VAV3: variants seen among roughly 807,000 people sequenced by gnomAD.
VAV3 encodes the protein guanine nucleotide exchange factor VAV3.
A neutral mutation model predicts 131.2 loss-of-function variants in VAV3; 94 were observed. The observed-to-expected ratio is 0.72, with a 90% confidence interval of 0.61 to 0.85. The LOEUF (loss-of-function observed/expected upper bound fraction) is 0.85, where lower values mean the gene tolerates loss of function less well. Ranked by LOEUF, VAV3 falls within the 40% of genes least tolerant of loss-of-function variation. The probability of loss-of-function intolerance (pLI) is 0.00; values close to 1 mark genes in which losing one functional copy is unlikely to be tolerated. For synonymous variants in VAV3, 349 were observed against 342.0 expected (o/e 1.02, Z -0.22); for missense variants, 939 against 1,002.7 (o/e 0.94, Z 0.86).
chr1:107,882,614 C>T (rs345293), intron 1 of VAV3, among the ~76,000 whole-genome samples: 110,840 of 151,976 alleles, frequency 0.73, 40,631 homozygotes, highest in African/African-American at 0.79. Flanking sequence ...TTCCCTATTT[C>T]TGTCCCTTTC....
intron 12 of VAV3, among the ~76,000 whole-genome samples, chr1:107,752,772 A>T (rs996073934): frequency 6.6e-6 from 1 of 152,226 alleles, no homozygotes; most frequent in Non-Finnish European, 1.5e-5. Context: ...AACCATTAAG[A>T]TGGCTGTTAC....
At chr1:107,740,242 G>A (rs542758646) in intron 15 of VAV3, among the ~76,000 whole-genome samples, 4 of 151,318 alleles carry the variant, frequency 2.6e-5, no homozygotes, top group Admixed American at 6.6e-5. Flanking sequence ...AGCTGAGATC[G>A]CGCCACTGTA....
At chr1:107,737,854 G>A (rs1261666097) in intron 15 of VAV3, among the ~76,000 whole-genome samples, 2 of 152,068 alleles carry the variant, frequency 1.3e-5, no homozygotes, top group Non-Finnish European at 2.9e-5. Flanking sequence ...CCCATTACTG[G>A]GTATATACCC....
At chr1:107,778,498 C>T (rs1398566397) in intron 3 of VAV3, among the ~76,000 whole-genome samples, 3 of 152,082 alleles carry the variant, frequency 2.0e-5, no homozygotes, top group Non-Finnish European at 4.4e-5. Context: ...TTTATCCAGC[C>T]GACAGACCAT....
chr1:107,787,671 C>T (rs1324373556), intron 2 of VAV3, among the ~76,000 whole-genome samples: 1 of 152,190 alleles, frequency 6.6e-6, no homozygotes, highest in Non-Finnish European at 1.5e-5. Flanking sequence ...AGTAGATTCA[C>T]TTGCACCTTA....
At chr1:107,662,232 C>G (rs1657074078) in intron 19 of VAV3, among the ~76,000 whole-genome samples, 1 of 152,044 alleles carries the variant, frequency 6.6e-6, no homozygotes, top group East Asian at 1.9e-4. Flanking sequence ...TACAAATGTA[C>G]CTAGTCCCCT....
intron 15 of VAV3, among the ~76,000 whole-genome samples, chr1:107,747,529 G>A (rs1663427076): frequency 6.6e-6 from 1 of 152,134 alleles, no homozygotes. Flanking sequence ...TATAAGTCTT[G>A]TAAGTATACT....
chr1:107,928,877 A>T (rs1673283858), intron 1 of VAV3, among the ~76,000 whole-genome samples: 1 of 152,206 alleles, frequency 6.6e-6, no homozygotes, highest in Non-Finnish European at 1.5e-5. Flanking sequence ...ATGTAGAGAA[A>T]GATATCGATA....
At chr1:107,751,938 A>G (rs983665637) in intron 12 of VAV3, among the ~76,000 whole-genome samples, 7 of 152,240 alleles carry the variant, frequency 4.6e-5, no homozygotes, top group Non-Finnish European at 7.3e-5. Flanking sequence ...ATAAAAATAA[A>G]TGTATCTTAT....
intron 15 of VAV3, among the ~76,000 whole-genome samples, chr1:107,747,691 T>C (rs1022210219): frequency 6.6e-6 from 1 of 152,202 alleles, no homozygotes; most frequent in South Asian, 2.1e-4. Flanking sequence ...ATATCATTCC[T>C]ATTTTACAGA....
chr1:107,796,000 G>T (rs1320523260), intron 2 of VAV3, among the ~76,000 whole-genome samples: 1 of 152,048 alleles, frequency 6.6e-6, no homozygotes, highest in African/African-American at 2.4e-5. Context: ...TTGGGTAAAA[G>T]CTCAAGAGTG....
At chr1:107,949,542 A>G (rs1438055435) in intron 1 of VAV3, among the ~76,000 whole-genome samples, 2 of 152,122 alleles carry the variant, frequency 1.3e-5, no homozygotes, top group African/African-American at 4.8e-5. Context: ...CCTGGGCCCA[A>G]ACAATCCTCC....
intron 2 of VAV3, 43 bp downstream of exon 2, chr1:107,874,858 G>C (rs1168629998): frequency 2.0e-6 from 3 of 1,536,882 alleles, no homozygotes; most frequent in South Asian, 1.1e-5. Context: ...TTGCTTAAAT[G>C]CTTTCCAGTT....
At chr1:107,753,513 C>CATATATACATATACAT (rs1663887291) in intron 12 of VAV3, among the ~76,000 whole-genome samples, 13 of 80,646 alleles carry the variant, frequency 1.6e-4, no homozygotes, top group African/African-American at 6.0e-4. Context: ...TATATACACA[C>CATATATACATATACAT]ATATATATAT....
chr1:107,814,123 G>T (rs1667459686), intron 2 of VAV3, among the ~76,000 whole-genome samples: 2 of 151,974 alleles, frequency 1.3e-5, no homozygotes, highest in South Asian at 4.2e-4. Context: ...TGGGGGTGCA[G>T]GTATTCCTTT....
chr1:107,865,404 T>C (rs1477932367), intron 2 of VAV3, among the ~76,000 whole-genome samples: 1 of 152,118 alleles, frequency 6.6e-6, no homozygotes, highest in Non-Finnish European at 1.5e-5. Context: ...TGTATGAGTG[T>C]AATGAGTGTA....
In VAV3 at chr1:107,665,696, C is replaced by T. The variant is rs551891723; in HGVS notation, c.1777+17792G>A. Among the ~76,000 whole-genome samples, 58 of 152,256 alleles carry T rather than the reference C, an allele frequency of 3.8e-4. No homozygotes were observed. In the South Asian group the frequency reaches 0.011, roughly 30 times the overall value. On this transcript the variant is annotated intron_variant, in intron 19 of 26. Transcript: ENST00000370056. ...ACATACCTGACTGCACACAGCCATCCCTGCTGAGGGCAGAGCCAGTGTCTT... is the reference window on the plus strand; with the variant it reads ...ACATACCTGACTGCACACAGCCATCTCTGCTGAGGGCAGAGCCAGTGTCTT...
At chr1:107,897,700 C>A (rs190945443) in intron 1 of VAV3, among the ~76,000 whole-genome samples, 3 of 152,152 alleles carry the variant, frequency 2.0e-5, no homozygotes, top group Non-Finnish European at 4.4e-5. Context: ...TCCTCAGAAC[C>A]GCTTATCTGA....
chr1:107,756,321 G>T (rs929939658), intron 11 of VAV3, among the ~76,000 whole-genome samples: 2 of 151,998 alleles, frequency 1.3e-5, no homozygotes, highest in African/African-American at 4.8e-5. Context: ...TGCAACAGTA[G>T]GGACAGAACT....
Sources: gnomAD v4.1 joint callset for allele counts (sites outside exome capture counted in the v4.1 genomes callset) on GRCh38, gnomAD v4.1.1 for gene constraint, MANE v1.5 for transcripts, NCBI Gene and HGNC (gene_info 2026-07-23, HGNC 2026-07-21) for gene names.